Variants in OPRM1 observed in about 807,000 individuals in gnomAD.
OPRM1 encodes mu-type opioid receptor.
A neutral mutation model predicts 31.8 loss-of-function variants in OPRM1; 27 were observed. The ratio of observed to expected loss-of-function variants is 0.85; its 90% CI spans 0.63 to 1.17. The LOEUF (loss-of-function observed/expected upper bound fraction) is 1.17. OPRM1 is among the 50% of genes most tolerant of loss of function. The probability of loss-of-function intolerance (pLI) is 0.00; values close to 1 mark genes in which losing one functional copy is unlikely to be tolerated. For synonymous variants in OPRM1, 196 were observed against 189.9 expected (o/e 1.03, Z -0.26); for missense variants, 536 against 511.1 (o/e 1.05, Z -0.47).
intron 3 of OPRM1, chr6:154,223,362 C>T: frequency 2.6e-6 from 2 of 769,600 alleles, no homozygotes; most frequent in African/African-American, 1.7e-5. Flanking sequence ...TCAAGAGATA[C>T]CAACCACCCT....
At chr6:154,101,573 A>G (rs1182055384) in intron 3 of OPRM1, among the ~76,000 whole-genome samples, 1 of 152,180 alleles carries the variant, frequency 6.6e-6, no homozygotes, top group Non-Finnish European at 1.5e-5. Context: ...TCTAAATCTC[A>G]ATAATGTAAC....
At chr6:154,234,252 C>T (rs1334935557) in intron 3 of OPRM1, among the ~76,000 whole-genome samples, 2 of 152,120 alleles carry the variant, frequency 1.3e-5, no homozygotes, top group African/African-American at 2.4e-5. Flanking sequence ...TTTCCCTTAG[C>T]GTGAAAACTC....
intron 3 of OPRM1, among the ~76,000 whole-genome samples, chr6:154,101,136 A>G (rs1794772286): frequency 6.6e-6 from 1 of 152,064 alleles, no homozygotes; most frequent in Non-Finnish European, 1.5e-5. Flanking sequence ...AACGTTGACA[A>G]CCAGAAAATT....
chr6:154,084,301 A>G (rs1429322885), intron 1 of OPRM1, among the ~76,000 whole-genome samples: 4 of 152,344 alleles, frequency 2.6e-5, no homozygotes, highest in African/African-American at 9.6e-5. Context: ...AGTGGAGAAT[A>G]TAATACAAAA....
rs1797867289 is a variant in OPRM1, at chr6:154,131,021, T to C, written c.*12300T>C. ...AATTGAAAAACTACTCTGTCAAACA[T>C]AGCAAATAGGAAAGTTAAAAAAAAG... On this transcript the variant is annotated 3_prime_UTR_variant, in exon 4 of 4. Coordinates refer to ENST00000330432, the MANE Select transcript of OPRM1 (RefSeq NM_000914.5). 6.6e-6 allele frequency among the ~76,000 whole-genome samples: 1 copy of C among 152,110 alleles called. No individual in the cohort carries two copies. Among genetic ancestry groups the C allele is most frequent in the Non-Finnish European group, 1.5e-5 (1 of 68,008 alleles).
intron 3 of OPRM1, among the ~76,000 whole-genome samples, chr6:154,109,767 CCTCTCTCT>C (rs60360261): frequency 1.6e-4 from 21 of 127,508 alleles, no homozygotes; most frequent in African/African-American, 4.2e-4. Context: ...ACTCTCTCTC[CCTCTCTCT>C]CTCTCTCTCT....
intron 3 of OPRM1, among the ~76,000 whole-genome samples, chr6:154,173,233 A>C (rs1800021365): frequency 6.6e-6 from 1 of 152,236 alleles, no homozygotes. Context: ...GGAAAGGCTG[A>C]AAATTCCAAA....
intron 1 of OPRM1, among the ~76,000 whole-genome samples, chr6:154,017,871 C>T (rs1421828550): frequency 7.4e-6 from 1 of 134,718 alleles, no homozygotes; most frequent in Non-Finnish European, 1.6e-5. Context: ...TATAACTGTG[C>T]TGTTTCCTTT....
chr6:154,158,790 A>G (rs1160605540), intron 3 of OPRM1: 1 of 152,228 alleles, frequency 6.6e-6, no homozygotes, highest in Non-Finnish European at 1.5e-5. Flanking sequence ...AGTAATTTGA[A>G]CTTCTATAAA....
chr6:154,230,792 T>C (rs1712112412), intron 3 of OPRM1, among the ~76,000 whole-genome samples: 1 of 152,208 alleles, frequency 6.6e-6, no homozygotes, highest in Non-Finnish European at 1.5e-5. Flanking sequence ...AGAATCTATG[T>C]ATATTTTCAT....
At chr6:154,078,145 C>G (rs982491784) in intron 1 of OPRM1, among the ~76,000 whole-genome samples, 4 of 152,156 alleles carry the variant, frequency 2.6e-5, no homozygotes, top group Admixed American at 2.0e-4. Context: ...TCCCTCTTCT[C>G]TTCTGTGCAT....
At chr6:154,135,705 A>C (rs1798045110), downstream of OPRM1, among the ~76,000 whole-genome samples, 1 of 152,202 alleles carries the variant, frequency 6.6e-6, no homozygotes, top group African/African-American at 2.4e-5. Flanking sequence ...CCTAGGCCTC[A>C]TATCCAGGCA....
intron 3 of OPRM1, among the ~76,000 whole-genome samples, chr6:154,139,645 G>A (rs1057040792): frequency 6.6e-6 from 1 of 152,128 alleles, no homozygotes; most frequent in Non-Finnish European, 1.5e-5. Flanking sequence ...CTTAAAATGA[G>A]AAAGGGCATC....
chr6:154,080,409 G>A (rs148776107), intron 1 of OPRM1, among the ~76,000 whole-genome samples: 60 of 152,302 alleles, frequency 3.9e-4, no homozygotes, highest in African/African-American at 1.4e-3. Flanking sequence ...ATAGTCAGAC[G>A]AGAATTGATA....
At chr6:154,079,301 G>T (rs918401714) in intron 1 of OPRM1, among the ~76,000 whole-genome samples, 3 of 152,214 alleles carry the variant, frequency 2.0e-5, no homozygotes, top group Non-Finnish European at 4.4e-5. Flanking sequence ...AGATGATCTT[G>T]CAATATGCAA....
intron 3 of OPRM1, among the ~76,000 whole-genome samples, chr6:154,228,251 A>G (rs1431614212): frequency 1.3e-5 from 2 of 151,810 alleles, no homozygotes; most frequent in East Asian, 3.9e-4. Context: ...AGATCACTTG[A>G]GCTCAGGAGT....
At chr6:154,031,203 G>A (rs917266079) in intron 1 of OPRM1, among the ~76,000 whole-genome samples, 1 of 152,016 alleles carries the variant, frequency 6.6e-6, no homozygotes, top group Admixed American at 6.5e-5. Context: ...ATTGGTATTT[G>A]GACAATTTTA....
rs146493507 is a variant in OPRM1 at position 154,052,954 on chromosome 6, G to A, written c.290+13120G>A. 3.6e-3 allele frequency among the ~76,000 whole-genome samples: 545 copies of A among 152,258 alleles called. 3 individuals are homozygous for A. The highest frequency in any genetic ancestry group is 0.012 in the African/African-American group (510 of 41,554). Reference sequence around the variant, plus strand: ...AGTTGCCATAGATTGCTATGACAGAGCATATTGCTCTTCTGGAACTGAGGT... The same window carrying A: ...AGTTGCCATAGATTGCTATGACAGAACATATTGCTCTTCTGGAACTGAGGT... On this transcript the variant is annotated intron_variant, in intron 1 of 3. Transcript: ENST00000330432.
chr6:154,246,466 A>G, intron 3 of OPRM1: 1 of 1,140,014 alleles, frequency 8.8e-7, no homozygotes, highest in Non-Finnish European at 1.2e-6. Context: ...TCTATAACTT[A>G]TTTGTTTATT....
Sources: allele counts gnomAD v4.1 joint callset (sites outside exome capture counted in the v4.1 genomes callset), GRCh38; gene constraint gnomAD v4.1.1; transcripts MANE v1.5; gene names NCBI Gene and HGNC (gene_info 2026-07-23, HGNC 2026-07-21).